Variants in ALK observed in about 807,000 individuals in gnomAD.
ALK encodes ALK tyrosine kinase receptor.
Under a neutral mutation model 163.1 loss-of-function variants are expected in ALK, and 74 were observed. The observed-to-expected ratio is 0.45, with a 90% CI of 0.38 to 0.55. The LOEUF is 0.55. Ranked by LOEUF, ALK falls within the 20% of genes least tolerant of loss-of-function variation. The pLI is 0.00. For synonymous variants in ALK, 960 were observed against 843.2 expected (o/e 1.14, Z -2.40); for missense variants, 2,063 against 2,105.3 (o/e 0.98, Z 0.39).
At chr2:29,577,976 G>C (rs1674572957) in intron 3 of ALK, among the ~76,000 whole-genome samples, 1 of 152,120 alleles carries the variant, frequency 6.6e-6, no homozygotes, top group South Asian at 2.1e-4. Context: ...GTTGCATTGG[G>C]CTCTTTCCTC....
chr2:29,748,932 G>A (rs1288532867), intron 1 of ALK, among the ~76,000 whole-genome samples: 1 of 152,152 alleles, frequency 6.6e-6, no homozygotes, highest in African/African-American at 2.4e-5. Context: ...TTTTAGTAGA[G>A]ATGGGGTTTT....
At chr2:29,809,912 A>G (rs1664710391) in intron 1 of ALK, among the ~76,000 whole-genome samples, 1 of 152,190 alleles carries the variant, frequency 6.6e-6, no homozygotes, top group Admixed American at 6.5e-5. Flanking sequence ...GTATTTGCCT[A>G]TGGCTTTAGA....
intron 2 of ALK, among the ~76,000 whole-genome samples, chr2:29,702,515 G>A (rs1558449755): frequency 6.6e-6 from 1 of 152,326 alleles, no homozygotes; most frequent in East Asian, 1.9e-4. Flanking sequence ...CTCAGTGGGT[G>A]TACGGCTCAG....
chr2:29,875,036 A>G (rs1051544742), intron 1 of ALK, among the ~76,000 whole-genome samples: 1 of 152,256 alleles, frequency 6.6e-6, no homozygotes, highest in Non-Finnish European at 1.5e-5. Context: ...ACTCAAAAGA[A>G]TTGAAAGCAA....
At chr2:29,470,053 T>C (rs1671312514) in intron 4 of ALK, among the ~76,000 whole-genome samples, 1 of 152,026 alleles carries the variant, frequency 6.6e-6, no homozygotes. Flanking sequence ...TTTATAAGAA[T>C]CAAATGGAAA....
At chr2:29,641,562 GTAA>G (rs1558421835) in intron 3 of ALK, among the ~76,000 whole-genome samples, 1 of 152,090 alleles carries the variant, frequency 6.6e-6, no homozygotes, top group South Asian at 2.1e-4. Flanking sequence ...ACTCATCTTG[GTAA>G]TAATAATAAT....
chr2:29,496,818 C>T (rs530933641), intron 4 of ALK, among the ~76,000 whole-genome samples: 5 of 152,306 alleles, frequency 3.3e-5, no homozygotes, highest in African/African-American at 4.8e-5. Context: ...TGCCAAGCAA[C>T]CATTGCCAAC....
chr2:29,719,667 T>C (rs995632562), intron 1 of ALK, among the ~76,000 whole-genome samples: 1 of 152,198 alleles, frequency 6.6e-6, no homozygotes, highest in Admixed American at 6.5e-5. Flanking sequence ...ATAAAGACGT[T>C]AGTTACCTTG....
At chr2:29,507,028 T>C (rs1049067922) in intron 4 of ALK, among the ~76,000 whole-genome samples, 1 of 152,148 alleles carries the variant, frequency 6.6e-6, no homozygotes, top group Non-Finnish European at 1.5e-5. Flanking sequence ...TCTAGGTATA[T>C]ATCCAAGAAA....
intron 3 of ALK, among the ~76,000 whole-genome samples, chr2:29,660,341 A>G (rs1054126648): frequency 6.6e-6 from 1 of 152,166 alleles, no homozygotes; most frequent in Admixed American, 6.5e-5. Context: ...ATCTGTGCCC[A>G]ATTTGTTCAG....
intron 8 of ALK, among the ~76,000 whole-genome samples, chr2:29,315,872 T>A (rs1666819436): frequency 1.3e-5 from 2 of 152,162 alleles, no homozygotes; most frequent in Admixed American, 1.3e-4. Flanking sequence ...GTGGTAGGCA[T>A]CAGCCTCAGG....
intron 8 of ALK, among the ~76,000 whole-genome samples, chr2:29,304,805 C>G (rs966224072): frequency 6.6e-6 from 1 of 152,196 alleles, no homozygotes. Context: ...TAACCACCAC[C>G]CCTTCCCTGC....
intron 3 of ALK, among the ~76,000 whole-genome samples, chr2:29,652,908 G>T (rs187756945): frequency 6.8e-6 from 1 of 148,016 alleles, no homozygotes; most frequent in East Asian, 1.9e-4. Flanking sequence ...GTAGACATAA[G>T]TAAGTTTCTC....
At chr2:29,570,864 A>C (rs1674340539) in intron 3 of ALK, among the ~76,000 whole-genome samples, 1 of 152,206 alleles carries the variant, frequency 6.6e-6, no homozygotes, top group African/African-American at 2.4e-5. Flanking sequence ...TGAGAAAGGA[A>C]TTAGACACTG....
intron 3 of ALK, among the ~76,000 whole-genome samples, chr2:29,686,389 C>A (rs1054729722): frequency 6.6e-6 from 1 of 152,160 alleles, no homozygotes; most frequent in African/African-American, 2.4e-5. Context: ...CATGGCCAAA[C>A]CTTAGGAGGT....
chr2:29,339,951 C>A (rs1244725409), intron 5 of ALK, among the ~76,000 whole-genome samples: 1 of 152,166 alleles, frequency 6.6e-6, no homozygotes, highest in Non-Finnish European at 1.5e-5. Context: ...TTTTTGTGGT[C>A]GGGTTCTCCG....
At chr2:29,746,895 C>T (rs1680219018) in intron 1 of ALK, among the ~76,000 whole-genome samples, 2 of 152,144 alleles carry the variant, frequency 1.3e-5, no homozygotes, top group African/African-American at 2.4e-5. Context: ...AGAAACATGA[C>T]GAAATAAGCC....
rs1381787189 is a variant in ALK at position 29,445,611 on chromosome 2, A to G, written c.1155-61752T>C. Among the ~76,000 whole-genome samples, 3 of 151,972 alleles carry G rather than the reference A, an allele frequency of 2.0e-5. No homozygotes were observed. The East Asian group carries it at 5.8e-4, about 29-fold the overall frequency. On this transcript the variant is annotated intron_variant, in intron 4 of 28. Coordinates refer to ENST00000389048, the MANE Select transcript of ALK (RefSeq NM_004304.5). ...GTGGATCACCTGAGGACCTGAGATC[A>G]GGAGTTTGAGACCAGCCTGAACAAC...
chr2:29,572,949 A>T (rs898398993), intron 3 of ALK, among the ~76,000 whole-genome samples: 1 of 152,190 alleles, frequency 6.6e-6, no homozygotes, highest in Non-Finnish European at 1.5e-5. Context: ...CTGGAGCACC[A>T]GGCCCCCAAG....
Sources: allele counts gnomAD v4.1 joint callset (sites outside exome capture counted in the v4.1 genomes callset), GRCh38; gene constraint gnomAD v4.1.1; transcripts MANE v1.5; gene names NCBI Gene and HGNC (gene_info 2026-07-23, HGNC 2026-07-21).